PBX1: variants seen among roughly 807,000 people sequenced by gnomAD.
PBX1 encodes pre-B-cell leukemia transcription factor 1.
PBX1 carries 6 observed loss-of-function variants against 53.4 expected under a neutral mutation model. The ratio of observed to expected loss-of-function variants is 0.11; its 90% CI spans 0.06 to 0.22. The LOEUF is 0.22. Ranked by LOEUF, PBX1 falls within the 10% of genes least tolerant of loss-of-function variation. The pLI is 1.00. For missense variants in PBX1, 251 were observed against 551.4 expected, an observed-to-expected ratio of 0.46 and a Z score of 5.46; for synonymous variants, 204 against 212.3, an observed-to-expected ratio of 0.96 and a Z score of 0.34.
chr1:164,627,195 GC>G (rs60764036), intron 2 of PBX1, among the ~76,000 whole-genome samples: 87 of 152,096 alleles, frequency 5.7e-4, no homozygotes, highest in African/African-American at 2.0e-3. Flanking sequence ...AATTGAAAAT[GC>G]CCCCTTTTTT....
intron 2 of PBX1, among the ~76,000 whole-genome samples, chr1:164,631,968 C>T (rs1405786363): frequency 1.3e-5 from 2 of 152,226 alleles, no homozygotes; most frequent in African/African-American, 2.4e-5. Context: ...CCCTCACCTT[C>T]ATAGGCCATC....
At chr1:164,656,083 G>C (rs1660148268) in intron 2 of PBX1, among the ~76,000 whole-genome samples, 1 of 152,144 alleles carries the variant, frequency 6.6e-6, no homozygotes, top group African/African-American at 2.4e-5. Flanking sequence ...TTTTAAAAGA[G>C]AGTCAAAATA....
At chr1:164,681,779 T>C (rs1406433615) in intron 2 of PBX1, among the ~76,000 whole-genome samples, 1 of 152,136 alleles carries the variant, frequency 6.6e-6, no homozygotes, top group African/African-American at 2.4e-5. Flanking sequence ...CCCCATGACA[T>C]GTAATTTACC....
intron 2 of PBX1, among the ~76,000 whole-genome samples, chr1:164,768,640 G>A (rs1221925687): frequency 2.0e-5 from 3 of 152,260 alleles, no homozygotes; most frequent in Non-Finnish European, 4.4e-5. Flanking sequence ...TGAGTGTAGC[G>A]GAAGAAGACA....
intron 2 of PBX1, among the ~76,000 whole-genome samples, chr1:164,623,878 G>T (rs1004607740): frequency 2.0e-5 from 3 of 152,180 alleles, no homozygotes; most frequent in Non-Finnish European, 4.4e-5. Flanking sequence ...ATGCAATTTG[G>T]TAATGGACTG....
chr1:164,697,812 C>T (rs965815987), intron 2 of PBX1, among the ~76,000 whole-genome samples: 11 of 152,194 alleles, frequency 7.2e-5, no homozygotes, highest in African/African-American at 2.2e-4. Flanking sequence ...TCACCTCCCC[C>T]GACCAAAGAA....
chr1:164,666,367 T>G (rs1245493875), intron 2 of PBX1, among the ~76,000 whole-genome samples: 1 of 152,206 alleles, frequency 6.6e-6, no homozygotes, highest in Non-Finnish European at 1.5e-5. Flanking sequence ...TTATTCTTAT[T>G]TGTTGTTTTT....
chr1:164,842,336 C>T (rs1442223905), intron 8 of PBX1, among the ~76,000 whole-genome samples: 2 of 152,156 alleles, frequency 1.3e-5, no homozygotes, highest in African/African-American at 2.4e-5. Context: ...CCCTCTACCT[C>T]CTCAGACAGG....
intron 2 of PBX1, among the ~76,000 whole-genome samples, chr1:164,759,792 TG>T: frequency 1.3e-5 from 2 of 152,292 alleles, no homozygotes; most frequent in Non-Finnish European, 2.9e-5. Context: ...AATTACTCTT[TG>T]GGGCACTCTC....
intron 2 of PBX1, among the ~76,000 whole-genome samples, chr1:164,866,212 C>T (rs1672213867): frequency 6.6e-6 from 1 of 152,202 alleles, no homozygotes; most frequent in African/African-American, 2.4e-5. Context: ...GATCAAATTG[C>T]CTCTCAATGA....
At chr1:164,689,195 A>G (rs1477258115) in intron 2 of PBX1, among the ~76,000 whole-genome samples, 1 of 152,248 alleles carries the variant, frequency 6.6e-6, no homozygotes, top group East Asian at 1.9e-4. Flanking sequence ...GTTTATCCTC[A>G]TGAAATATAC....
At chr1:164,710,267 C>T (rs971912336) in intron 2 of PBX1, among the ~76,000 whole-genome samples, 4 of 152,078 alleles carry the variant, frequency 2.6e-5, no homozygotes, top group East Asian at 1.9e-4. Flanking sequence ...ATTCATATAC[C>T]GTTTTTCCAT....
At chr1:164,645,827 ATTT>A (rs1659422719) in intron 2 of PBX1, among the ~76,000 whole-genome samples, 2 of 152,160 alleles carry the variant, frequency 1.3e-5, no homozygotes, top group Non-Finnish European at 2.9e-5. Flanking sequence ...TTTTTCAGTG[ATTT>A]TTTAACTTTC....
chr1:164,714,646 C>A (rs985288129), intron 2 of PBX1, among the ~76,000 whole-genome samples: 9 of 152,176 alleles, frequency 5.9e-5, no homozygotes, highest in Non-Finnish European at 4.4e-5. Context: ...ACTTTAAATT[C>A]TCTCAATAAC....
At chr1:164,856,962 G>C (rs1671991359) in intron 2 of PBX1, among the ~76,000 whole-genome samples, 1 of 152,034 alleles carries the variant, frequency 6.6e-6, no homozygotes, top group Non-Finnish European at 1.5e-5. Flanking sequence ...TCCCAGCTCT[G>C]CTACTGCCAG....
At chr1:164,696,731 T>C (rs184469575) in intron 2 of PBX1, among the ~76,000 whole-genome samples, 19 of 152,316 alleles carry the variant, frequency 1.2e-4, no homozygotes, top group Admixed American at 4.6e-4. Context: ...TTGTGATAAC[T>C]TCTGTATAAT....
chr1:164,737,278 G>C (rs1665346523), intron 2 of PBX1, among the ~76,000 whole-genome samples: 1 of 152,076 alleles, frequency 6.6e-6, no homozygotes, highest in Non-Finnish European at 1.5e-5. Flanking sequence ...AGATGTACTG[G>C]ATAAGTCGTC....
intron 2 of PBX1, among the ~76,000 whole-genome samples, chr1:164,651,619 TAAAC>T (rs914678182): frequency 4.3e-4 from 65 of 151,982 alleles, no homozygotes; most frequent in Middle Eastern, 3.4e-3. Context: ...AGAGAACACA[TAAAC>T]AACCCTCCAA....
chr1:164,875,997 TATATATATAC>T (rs1385869447), intron 2 of PBX1, among the ~76,000 whole-genome samples: 1 of 55,738 alleles, frequency 1.8e-5, no homozygotes, highest in Middle Eastern at 0.015. Flanking sequence ...TGTATATATA[TATATATATAC>T]ACACATACAC....
Sources: gnomAD v4.1 joint callset for allele counts (sites outside exome capture counted in the v4.1 genomes callset) on GRCh38, gnomAD v4.1.1 for gene constraint, MANE v1.5 for transcripts, NCBI Gene and HGNC (gene_info 2026-07-23, HGNC 2026-07-21) for gene names.